GALNT13: variants seen among roughly 807,000 people sequenced by gnomAD.
The protein encoded by GALNT13 is UDP-GalNAc:polypeptide N-acetylgalactosaminyltransferase 13.
A neutral mutation model predicts 64.2 loss-of-function variants in GALNT13; 28 were observed. That is an observed-to-expected ratio of 0.44 (90% CI 0.32 to 0.60). The LOEUF (loss-of-function observed/expected upper bound fraction) is 0.60. Ranked by LOEUF, GALNT13 falls within the 20% of genes least tolerant of loss-of-function variation. The pLI, the probability that GALNT13 is intolerant of heterozygous loss-of-function variation, is 0.05. For synonymous variants in GALNT13, 214 were observed against 224.6 expected (o/e 0.95, Z 0.42); for missense variants, 577 against 669.8 (o/e 0.86, Z 1.53).
At chr2:153,724,929 C>A in the GALNT13 span, among the ~76,000 whole-genome samples, 4 of 151,134 alleles carry the variant, frequency 2.6e-5, no homozygotes, top group African/African-American at 4.9e-5. Flanking sequence ...CTAGAAATAC[C>A]ATTTGACCCA....
intron 2 of GALNT13, among the ~76,000 whole-genome samples, chr2:153,908,608 T>C (rs1688736556): frequency 1.3e-5 from 2 of 152,136 alleles, no homozygotes; most frequent in South Asian, 2.1e-4. Flanking sequence ...CTTCTGCATA[T>C]GGCTAGCCTG....
the GALNT13 span, among the ~76,000 whole-genome samples, chr2:153,319,173 TA>T: frequency 5.3e-5 from 8 of 152,228 alleles, no homozygotes; most frequent in African/African-American, 1.9e-4. Flanking sequence ...CAAACAATAA[TA>T]TTTCCCACTA....
chr2:153,561,579 A>G, the GALNT13 span, among the ~76,000 whole-genome samples: 1 of 151,896 alleles, frequency 6.6e-6, no homozygotes, highest in Non-Finnish European at 1.5e-5. Context: ...GTGCTCAAAA[A>G]TTTCAGATTT....
intron 8 of GALNT13, among the ~76,000 whole-genome samples, chr2:154,297,492 A>G (rs1399468808): frequency 1.3e-5 from 2 of 152,176 alleles, no homozygotes; most frequent in African/African-American, 4.8e-5. Flanking sequence ...AAGAAATACC[A>G]GACTGCTCTC....
chr2:153,457,511 G>A, the GALNT13 span, among the ~76,000 whole-genome samples: 1 of 152,026 alleles, frequency 6.6e-6, no homozygotes, highest in Non-Finnish European at 1.5e-5. Flanking sequence ...AAATAAAAAT[G>A]TTATTAAGCA....
chr2:153,331,018 A>G, the GALNT13 span, among the ~76,000 whole-genome samples: 1 of 152,022 alleles, frequency 6.6e-6, no homozygotes, highest in East Asian at 1.9e-4. Flanking sequence ...AGCTTTTTCC[A>G]TGTTTATGGA....
intron 4 of GALNT13, among the ~76,000 whole-genome samples, chr2:154,193,177 A>G (rs547086917): frequency 5.0e-4 from 76 of 152,334 alleles, no homozygotes; most frequent in African/African-American, 1.8e-3. Context: ...AACAATTACA[A>G]CAAATAATTT....
the GALNT13 span, among the ~76,000 whole-genome samples, chr2:153,502,933 T>A: frequency 9.5e-3 from 1,441 of 152,324 alleles, 19 homozygotes; most frequent in African/African-American, 0.032. Context: ...GTGATTTTTT[T>A]AAATTTCTTG....
intron 4 of GALNT13, among the ~76,000 whole-genome samples, chr2:154,200,887 T>G (rs1687133455): frequency 6.6e-6 from 1 of 152,146 alleles, no homozygotes; most frequent in Non-Finnish European, 1.5e-5. Context: ...TAAGATTTAT[T>G]TTGAACTGAA....
intron 3 of GALNT13, among the ~76,000 whole-genome samples, chr2:153,994,060 C>T (rs1695347599): frequency 6.6e-6 from 1 of 152,048 alleles, no homozygotes; most frequent in South Asian, 2.1e-4. Context: ...TGCTATCTCT[C>T]CCCACTCACC....
chr2:153,562,493 A>G, the GALNT13 span, among the ~76,000 whole-genome samples: 1 of 152,060 alleles, frequency 6.6e-6, no homozygotes, highest in Non-Finnish European at 1.5e-5. Context: ...TTGTCAAAAA[A>G]CACCATGTGT....
the GALNT13 span, among the ~76,000 whole-genome samples, chr2:153,829,564 G>C: frequency 6.6e-6 from 1 of 152,064 alleles, no homozygotes; most frequent in African/African-American, 2.4e-5. Context: ...TCTTCCCATA[G>C]CACATGAGAA....
the GALNT13 span, among the ~76,000 whole-genome samples, chr2:153,139,753 G>C: frequency 6.6e-6 from 1 of 152,088 alleles, no homozygotes; most frequent in African/African-American, 2.4e-5. Flanking sequence ...GGGAGAGGGG[G>C]GATAATCAGG....
intron 11 of GALNT13, among the ~76,000 whole-genome samples, chr2:154,417,241 C>T (rs1033287618): frequency 5.3e-4 from 77 of 146,370 alleles, no homozygotes; most frequent in African/African-American, 1.8e-3. Context: ...GTGATGACTC[C>T]GTCGAAATTA....
chr2:153,338,109 A>G, the GALNT13 span, among the ~76,000 whole-genome samples: 1 of 151,636 alleles, frequency 6.6e-6, no homozygotes, highest in African/African-American at 2.4e-5. Flanking sequence ...TGGGCAATTT[A>G]TTGAGGCCCC....
intron 2 of GALNT13, among the ~76,000 whole-genome samples, chr2:153,914,449 A>G (rs1337262633): frequency 7.1e-6 from 1 of 141,490 alleles, no homozygotes; most frequent in African/African-American, 2.7e-5. Flanking sequence ...ACGCCATTGC[A>G]CTCCAGCCTG....
In GALNT13 at chr2:153,941,213, C is replaced by G. The variant is rs1475195903; in HGVS notation, c.-104-3181C>G. 3.3e-5 allele frequency among the ~76,000 whole-genome samples: 5 copies of G among 152,070 alleles called. No individual in the cohort carries two copies. In the East Asian group the frequency reaches 7.7e-4, roughly 24 times the overall value. On this transcript the variant is annotated intron_variant, in intron 2 of 12. Coordinates refer to ENST00000392825, the MANE Select transcript of GALNT13 (RefSeq NM_052917.4). ...GTTTCAGTATGTTGGCCAGGCTGGTCTTGAACTTCTGACCTCAGATGATCC... is the reference window on the plus strand; with the variant it reads ...GTTTCAGTATGTTGGCCAGGCTGGTGTTGAACTTCTGACCTCAGATGATCC...
chr2:154,010,092 A>G (rs1245045300), intron 3 of GALNT13, among the ~76,000 whole-genome samples: 1 of 152,170 alleles, frequency 6.6e-6, no homozygotes, highest in Non-Finnish European at 1.5e-5. Context: ...AAGGTATGAA[A>G]TCATATAGTT....
chr2:154,299,192 A>T (rs1388151899), intron 8 of GALNT13, among the ~76,000 whole-genome samples: 2 of 151,420 alleles, frequency 1.3e-5, no homozygotes, highest in Non-Finnish European at 2.9e-5. Context: ...AGAAGGTATT[A>T]TGCAAAGATA....
Sources: allele counts gnomAD v4.1 joint callset (sites outside exome capture counted in the v4.1 genomes callset), GRCh38; gene constraint gnomAD v4.1.1; transcripts MANE v1.5; gene names NCBI Gene and HGNC (gene_info 2026-07-23, HGNC 2026-07-21).